CDH13: variants seen among roughly 807,000 people sequenced by gnomAD.
The protein encoded by CDH13 is cadherin 13.
CDH13 carries 24 observed loss-of-function variants against 63.8 expected under a neutral mutation model. The observed-to-expected ratio is 0.38, with a 90% CI of 0.27 to 0.53. CDH13 has a LOEUF of 0.53. Among genes scored for constraint, CDH13 ranks in the 20% least tolerant of loss-of-function variants. The pLI is 0.85. For synonymous variants in CDH13, 503 were observed against 355.3 expected, an observed-to-expected ratio of 1.42 and a Z score of -4.67; for missense variants, 1,049 against 903.1, an observed-to-expected ratio of 1.16 and a Z score of -2.07.
At chr16:83,269,292 GGGCAGA>G (rs2088723621) in intron 5 of CDH13, among the ~76,000 whole-genome samples, 1 of 152,072 alleles carries the variant, frequency 6.6e-6, no homozygotes, top group Non-Finnish European at 1.5e-5. Flanking sequence ...CTAAAGTGGG[GGGCAGA>G]TCCTATCACC....
chr16:83,616,696 A>G (rs1909312482), intron 8 of CDH13, among the ~76,000 whole-genome samples: 1 of 152,198 alleles, frequency 6.6e-6, no homozygotes, highest in African/African-American at 2.4e-5. Context: ...CAGAAATAGA[A>G]AGCCAAGAGC....
At chr16:82,842,119 TATATATATATATATATATAC>T (rs2039044281) in intron 1 of CDH13, among the ~76,000 whole-genome samples, 2 of 46,494 alleles carry the variant, frequency 4.3e-5, no homozygotes, top group African/African-American at 7.3e-5. Flanking sequence ...TATGTATATA[TATATATATATATATATATAC>T]ACATATATAT....
intron 5 of CDH13, among the ~76,000 whole-genome samples, chr16:83,246,793 C>A (rs1360112079): frequency 6.6e-6 from 1 of 152,190 alleles, no homozygotes; most frequent in Non-Finnish European, 1.5e-5. Context: ...TCTCTGTCGA[C>A]TTCAAGATGT....
chr16:83,169,640 G>A (rs577992149), intron 4 of CDH13, among the ~76,000 whole-genome samples: 132 of 151,874 alleles, frequency 8.7e-4, no homozygotes, highest in Middle Eastern at 3.4e-3. Flanking sequence ...GGTGTTAATG[G>A]CTTCCCTATT....
chr16:82,712,474 C>T (rs1367505166), intron 1 of CDH13, among the ~76,000 whole-genome samples: 3 of 152,130 alleles, frequency 2.0e-5, no homozygotes, highest in African/African-American at 4.8e-5. Flanking sequence ...ATAAATCGTG[C>T]CTGATAACCT....
At chr16:83,768,115 A>T (rs1914521963) in intron 11 of CDH13, among the ~76,000 whole-genome samples, 2 of 152,196 alleles carry the variant, frequency 1.3e-5, no homozygotes, top group South Asian at 4.1e-4. Context: ...TACCTAGGGA[A>T]ATAATCACCA....
intron 9 of CDH13, 117 bp downstream of exon 9, chr16:83,671,089 T>G (rs1340182582): frequency 4.6e-6 from 4 of 870,544 alleles, no homozygotes; most frequent in Non-Finnish European, 7.1e-6. Context: ...GTCTCCTCCT[T>G]CTGGGAATTA....
chr16:83,571,816 C>G (rs1567774586), intron 7 of CDH13, among the ~76,000 whole-genome samples: 1 of 152,178 alleles, frequency 6.6e-6, no homozygotes, highest in East Asian at 1.9e-4. Context: ...AGCTAGGTGC[C>G]TGAGCTAGAA....
chr16:82,651,084 T>A (rs1371866293), intron 1 of CDH13, among the ~76,000 whole-genome samples: 1 of 152,216 alleles, frequency 6.6e-6, no homozygotes, highest in Non-Finnish European at 1.5e-5. Flanking sequence ...TGAGAAAGAC[T>A]ATCAGTTTGA....
intron 2 of CDH13, among the ~76,000 whole-genome samples, chr16:82,921,705 C>G (rs192690119): frequency 4.3e-4 from 65 of 151,880 alleles, no homozygotes; most frequent in Non-Finnish European, 7.2e-4. Context: ...GTCTTTTTTT[C>G]TTTAGATATC....
intron 6 of CDH13, among the ~76,000 whole-genome samples, chr16:83,429,441 G>T (rs1438271247): frequency 6.6e-6 from 1 of 152,000 alleles, no homozygotes; most frequent in African/African-American, 2.4e-5. Flanking sequence ...TGTCCCCTAT[G>T]CCAGGCTCAG....
At chr16:83,607,339 G>T (rs761097863) in intron 8 of CDH13, among the ~76,000 whole-genome samples, 1 of 151,972 alleles carries the variant, frequency 6.6e-6, no homozygotes, top group South Asian at 2.1e-4. Flanking sequence ...AGAATTGCTT[G>T]AACCAGGGAG....
intron 1 of CDH13, chr16:82,825,586 G>A (rs971733568): frequency 2.0e-4 from 29 of 144,150 alleles, no homozygotes; most frequent in African/African-American, 6.7e-4. Flanking sequence ...CTGTTGCCCC[G>A]GCTGGAGTGA....
chr16:83,791,047 G>A (rs890676888), intron 13 of CDH13, among the ~76,000 whole-genome samples: 10 of 152,142 alleles, frequency 6.6e-5, no homozygotes, highest in African/African-American at 2.4e-4. Flanking sequence ...GCAGGGCACA[G>A]TGGCTCATGC....
chr16:82,787,718 A>G (rs186621061), intron 1 of CDH13, among the ~76,000 whole-genome samples: 1 of 152,226 alleles, frequency 6.6e-6, no homozygotes, highest in Non-Finnish European at 1.5e-5. Context: ...GCTGGACTCA[A>G]TCCCAAATTA....
At chr16:83,016,283 G>A (rs1457810003) in intron 2 of CDH13, among the ~76,000 whole-genome samples, 1 of 152,204 alleles carries the variant, frequency 6.6e-6, no homozygotes, top group Non-Finnish European at 1.5e-5. Flanking sequence ...TCCTGATAAA[G>A]TCTTGTCAAC....
intron 1 of CDH13, among the ~76,000 whole-genome samples, chr16:82,662,224 T>A (rs1912031158): frequency 7.2e-6 from 1 of 138,228 alleles, no homozygotes; most frequent in Non-Finnish European, 1.7e-5. Context: ...TTAATTTCAC[T>A]TAAAAAACAG....
chr16:83,202,830 A>G (rs2039069860), intron 4 of CDH13, among the ~76,000 whole-genome samples: 1 of 152,208 alleles, frequency 6.6e-6, no homozygotes, highest in African/African-American at 2.4e-5. Flanking sequence ...AATATTTGGT[A>G]CAGGGAGATA....
intron 2 of CDH13, among the ~76,000 whole-genome samples, chr16:83,016,362 G>T (rs1033989687): frequency 3.3e-5 from 5 of 152,186 alleles, no homozygotes; most frequent in African/African-American, 1.2e-4. Context: ...GGAGGTAAAT[G>T]AATTAATTGG....
Sources: gnomAD v4.1 joint callset for allele counts (sites outside exome capture counted in the v4.1 genomes callset) on GRCh38, gnomAD v4.1.1 for gene constraint, MANE v1.5 for transcripts, NCBI Gene and HGNC (gene_info 2026-07-23, HGNC 2026-07-21) for gene names.